The following CRB3 variants were observed in gnomAD, a reference collection of about 807,000 sequenced individuals.
CRB3 encodes the protein crumbs cell polarity complex component 3, also known as protein crumbs homolog 3.
A neutral mutation model predicts 10.4 loss-of-function variants in CRB3; 4 were observed. The observed-to-expected ratio is 0.39, with a 90% CI of 0.19 to 0.88. The LOEUF is 0.88. Ranked by LOEUF, CRB3 falls within the 40% of genes least tolerant of loss-of-function variation. The pLI is 0.39. For synonymous variants in CRB3, 74 were observed against 73.4 expected, an observed-to-expected ratio of 1.01 and a Z score of -0.04; for missense variants, 154 against 160.2, an observed-to-expected ratio of 0.96 and a Z score of 0.21.
At position 6,466,600 on chromosome 19, in the gene CRB3, CGAG is replaced by C. The variant is rs2092795762; in HGVS notation, c.295_297del (p.Glu99del). The C allele has an allele frequency of 6.2e-7, 1 of 1,607,506 alleles. No homozygotes were observed. Among genetic ancestry groups the C allele is most frequent in the South Asian group, 1.1e-5 (1 of 91,070 alleles). On this transcript the variant is annotated inframe_deletion, in exon 4 of 4. Transcript: ENST00000600229. This position sits in a 1 kb window ranked among gnomAD's most constrained non-coding sequence, Gnocchi z 4.9. ...CGGAGGGCACCTACCGGCCCAGTAG[CGAG>C]GAGCAGGTGGGTGCCCGCGTGCCAC...
chr19:6,464,666 C>T lies in CRB3; in HGVS notation c.-36C>T. ...CGGTAGGAGGGGCGAGCGCGAGAAG[C>T]CCCTTCCTCGGCGCTGCCAACCCGC... On this transcript the variant is annotated 5_prime_UTR_variant, in exon 2 of 4. Coordinates refer to ENST00000600229, the MANE Select transcript of CRB3 (RefSeq NM_139161.5). This position sits in a 1 kb window ranked among gnomAD's most constrained non-coding sequence, Gnocchi z 5.3. 1 of 1,202,598 alleles carries T rather than the reference C, an allele frequency of 8.3e-7. No homozygotes were observed. The highest frequency in any genetic ancestry group is 1.0e-6 in the Non-Finnish European group (1 of 960,964). 74.5% of individuals were successfully genotyped at this position (1,202,598 alleles called of 1,614,324 possible).
chr19:6,466,902 TTTCTC>T lies in CRB3; in HGVS notation c.*232_*236del, dbSNP rs1457895886. ...CACCCCCCTGCTTGCGGAACCAACT[TTTCTC>T]TGTGTGTCCAGCAGGCCCCACAACC... On this transcript the variant is annotated 3_prime_UTR_variant, in exon 4 of 4. Transcript: ENST00000600229. This position sits in a 1 kb window ranked among gnomAD's most constrained non-coding sequence, Gnocchi z 4.9. 1 of 1,597,918 alleles carries T rather than the reference TTTCTC, an allele frequency of 6.3e-7. No homozygotes were observed. Among genetic ancestry groups the T allele is most frequent in the Middle Eastern group, 1.7e-4 (1 of 5,954 alleles).
chr19:6,467,195 T>C lies in CRB3; in HGVS notation c.*523T>C. 1 of 541,706 alleles carries C rather than the reference T, an allele frequency of 1.8e-6. No homozygotes were observed. The highest frequency in any genetic ancestry group is 3.6e-5 in the Admixed American group (1 of 27,944). 33.6% of individuals were successfully genotyped at this position (541,706 alleles called of 1,614,324 possible). A position where few individuals can be genotyped will look rare whatever the true frequency, so the allele number is the denominator to read the frequency against. On this transcript the variant is annotated 3_prime_UTR_variant, in exon 4 of 4. Transcript: ENST00000600229. ...GGCTATTCACTTTTATATATTTATA[T>C]AAAATTAGTAGTGAGATGTAACAAA... is the stretch of plus-strand genomic sequence containing the variant.
At position 6,466,928 on chromosome 19, in the gene CRB3, CA is replaced by C; in HGVS notation, c.*258del. ...TTCTCTGTGTGTCCAGCAGGCCCCA[CA>C]ACCCCCTCTCCTTTCTTTCAGTTCT... On this transcript the variant is annotated 3_prime_UTR_variant, in exon 4 of 4. Transcript: ENST00000600229. This position sits in a 1 kb window ranked among gnomAD's most constrained non-coding sequence, Gnocchi z 4.9. 1 of 1,610,870 alleles carries C rather than the reference CA, an allele frequency of 6.2e-7. No individual in the cohort carries two copies. The highest frequency in any genetic ancestry group is 8.5e-7 in the Non-Finnish European group (1 of 1,178,458).
rs769620076 is a variant in CRB3 at position 6,464,723 on chromosome 19, C to G, written c.22C>G (p.Leu8Val). The change falls in exon 2 of 4, where the codon CTG (leucine) becomes GTG (valine). Residue 8 changes from leucine to valine, a missense_variant. Coordinates refer to ENST00000600229, the MANE Select transcript of CRB3 (RefSeq NM_139161.5). The surrounding 1 kb of genome is among the most constrained non-coding windows in gnomAD (Gnocchi z 5.3). MANPGLG[L>V]LLALGLPFLL... Reference sequence around the variant, plus strand: ...GCCCATGGCGAACCCCGGGCTGGGGCTGCTTCTGGCGCTGGGCCTGCCGTT... The same window carrying G: ...GCCCATGGCGAACCCCGGGCTGGGGGTGCTTCTGGCGCTGGGCCTGCCGTT... 9 of 1,246,714 alleles carry G rather than the reference C, an allele frequency of 7.2e-6. No individual in the cohort carries two copies. In the South Asian group the frequency reaches 2.7e-4, roughly 38 times the overall value. 77.2% of individuals were successfully genotyped at this position (1,246,714 alleles called of 1,614,324 possible).
rs2092788884 is a variant in CRB3, at chr19:6,465,294, G to A, written c.83-251G>A. The A allele has an allele frequency of 6.6e-5, 35 of 529,922 alleles. 1 individual carries two copies. The South Asian group carries it at 8.4e-4, about 13-fold the overall frequency. The allele number at this position is 529,922 out of a possible 1,614,324, so 32.8% of individuals were successfully genotyped here. The stretch of plus-strand genomic sequence containing the variant: ...GGGCCCAGGGCCGAGAGGTGAGTAG[G>A]GGAGGGGTGGACTTCTGGACACCCT... On this transcript the variant is annotated intron_variant, in intron 2 of 3. Coordinates refer to ENST00000600229, the MANE Select transcript of CRB3 (RefSeq NM_139161.5).
chr19:6,465,130 G>A, intron 2 of CRB3: 1 of 291,546 alleles, frequency 3.4e-6, no homozygotes, highest in South Asian at 1.1e-4. Flanking sequence ...GGAGCTGGGA[G>A]GAGGCCTGCC....
Position 6,467,013 on chromosome 19 carries a change from G to A in CRB3, c.*341G>A. Reference sequence around the variant, plus strand: ...CCAAGGAGACGGTGCAGGGCTGCCTGCCCATCTAGGTCCCCTCTCCTGCAT... The same window carrying A: ...CCAAGGAGACGGTGCAGGGCTGCCTACCCATCTAGGTCCCCTCTCCTGCAT... On this transcript the variant is annotated 3_prime_UTR_variant, in exon 4 of 4. Coordinates refer to ENST00000600229, the MANE Select transcript of CRB3 (RefSeq NM_139161.5). 6.2e-7 allele frequency: 1 copy of A among 1,613,772 alleles called. No homozygotes were observed. Among genetic ancestry groups the A allele is most frequent in the Non-Finnish European group, 8.5e-7 (1 of 1,179,784 alleles).
chr19:6,464,292 G>A lies in CRB3; in HGVS notation c.-153G>A, dbSNP rs569671916. On this transcript the variant is annotated 5_prime_UTR_variant, in exon 1 of 4. Transcript: ENST00000600229. The surrounding 1 kb of genome is among the most constrained non-coding windows in gnomAD (Gnocchi z 5.3). ...ACCCACAGAACGACCGACGGACCGAGGGTTCGAGGGAGGGACACGGACCAG... is the reference window on the plus strand; with the variant it reads ...ACCCACAGAACGACCGACGGACCGAAGGTTCGAGGGAGGGACACGGACCAG... 134 of 164,334 alleles carry A rather than the reference G, an allele frequency of 8.2e-4. No homozygotes were observed. Among genetic ancestry groups the A allele is most frequent in the Non-Finnish European group, 9.4e-4 (72 of 76,380 alleles). The allele number at this position is 164,334 out of a possible 1,614,324, so 10.2% of individuals were successfully genotyped here. A position where few individuals can be genotyped will look rare whatever the true frequency, so the allele number is the denominator to read the frequency against.
Position 6,464,943 on chromosome 19 carries a change from C to T in CRB3, c.82+160C>T, listed in dbSNP as rs1599369547. 1.5e-5 allele frequency: 6 copies of T among 407,312 alleles called. No individual in the cohort carries two copies. Among genetic ancestry groups the T allele is most frequent in the Non-Finnish European group, 2.5e-5 (6 of 235,298 alleles). The allele number at this position is 407,312 out of a possible 1,614,324, so 25.2% of individuals were successfully genotyped here. A position where few individuals can be genotyped will look rare whatever the true frequency, so the allele number is the denominator to read the frequency against. ...GGGAGGGGTCTACAGGGTTAGGGCT[C>T]GGGGGGATTAAGATTTCTAGTTTCT... On this transcript the variant is annotated intron_variant, in intron 2 of 3. Transcript: ENST00000600229. The surrounding 1 kb of genome is among the most constrained non-coding windows in gnomAD (Gnocchi z 5.3).
upstream of CRB3, chr19:6,463,803 G>A (rs1158560852): frequency 6.6e-6 from 1 of 151,816 alleles, no homozygotes; most frequent in Admixed American, 6.6e-5. Flanking sequence ...TTTTTGTAGA[G>A]AATGAGGCCT....
At position 6,466,252 on chromosome 19, in the gene CRB3, C is replaced by T. The variant is rs1467106208; in HGVS notation, c.157-214C>T. 4.6e-5 allele frequency among the ~76,000 whole-genome samples: 7 copies of T among 152,040 alleles called. No homozygotes were observed. The highest frequency in any genetic ancestry group is 1.4e-4 in the African/African-American group (6 of 41,492). ...TGGCAGGTGCTTGCGAGGGGTGTCCCGGACATGGCAGGTGGTGGGGAGCCT... is the reference window on the plus strand; with the variant it reads ...TGGCAGGTGCTTGCGAGGGGTGTCCTGGACATGGCAGGTGGTGGGGAGCCT... On this transcript the variant is annotated intron_variant, in intron 3 of 3. Coordinates refer to ENST00000600229, the MANE Select transcript of CRB3 (RefSeq NM_139161.5). This position sits in a 1 kb window ranked among gnomAD's most constrained non-coding sequence, Gnocchi z 4.9.
Position 6,465,926 on chromosome 19 carries a change from C to T in CRB3, c.156+308C>T, listed in dbSNP as rs971780634. ...GATGAAAGCAGGAGTCCCGGCCGGG[C>T]GCGGTGGCTCACGCCTGTAATCCTA... is the stretch of plus-strand genomic sequence containing the variant. On this transcript the variant is annotated intron_variant, in intron 3 of 3. Coordinates refer to ENST00000600229, the MANE Select transcript of CRB3 (RefSeq NM_139161.5). Among the ~76,000 whole-genome samples the T allele has an allele frequency of 3.9e-5, 6 of 152,030 alleles. 1 individual carries two copies. The highest frequency in any genetic ancestry group is 2.6e-4 in the Admixed American group (4 of 15,250).
At position 6,465,636 on chromosome 19, in the gene CRB3, G is replaced by C. The variant is rs191435986; in HGVS notation, c.156+18G>C. 1.4e-5 allele frequency: 23 copies of C among 1,600,520 alleles called. No individual in the cohort carries two copies. The Admixed American group carries it at 1.5e-4, about 10-fold the overall frequency. ...GCAACCTGGTGAGTTGGAGGTATAT[G>C]TGGGAAGATGGCAGCAAGGATGTTA... is the stretch of plus-strand genomic sequence containing the variant. On this transcript the variant is annotated intron_variant, in intron 3 of 3. Coordinates refer to ENST00000600229, the MANE Select transcript of CRB3 (RefSeq NM_139161.5).
chr19:6,466,998 G>A lies in CRB3; in HGVS notation c.*326G>A, dbSNP rs201161223. 1.3e-4 allele frequency: 205 copies of A among 1,613,800 alleles called. No homozygotes were observed. Among genetic ancestry groups the A allele is most frequent in the Admixed American group, 2.0e-4 (12 of 59,962 alleles). On this transcript the variant is annotated 3_prime_UTR_variant, in exon 4 of 4. Transcript: ENST00000600229. This position sits in a 1 kb window ranked among gnomAD's most constrained non-coding sequence, Gnocchi z 4.9. ...GGGCCCCTCAGGACTCCAAGGAGAC[G>A]GTGCAGGGCTGCCTGCCCATCTAGG...
In CRB3 at chr19:6,464,586, C is replaced by A; in HGVS notation, c.-94-22C>A. ...CCCCACCCCGATCCCAACGCCTGGGCCTCTCCTTCTCCTGTCCCCAGGTGC... is the reference window on the plus strand; with the variant it reads ...CCCCACCCCGATCCCAACGCCTGGGACTCTCCTTCTCCTGTCCCCAGGTGC... On this transcript the variant is annotated intron_variant, in intron 1 of 3. Transcript: ENST00000600229. The surrounding 1 kb of genome is among the most constrained non-coding windows in gnomAD (Gnocchi z 5.3). 1 of 576,288 alleles carries A rather than the reference C, an allele frequency of 1.7e-6. No individual in the cohort carries two copies. Among genetic ancestry groups the A allele is most frequent in the East Asian group, 3.5e-5 (1 of 28,784 alleles). The allele number at this position is 576,288 out of a possible 1,614,324, so 35.7% of individuals were successfully genotyped here.
intron 3 of CRB3, 67 bp downstream of exon 3, chr19:6,465,685 G>A: frequency 3.0e-6 from 4 of 1,352,942 alleles, no homozygotes; most frequent in Non-Finnish European, 4.2e-6. Flanking sequence ...CATATAGCAT[G>A]TAGAGAGGAC....
chr19:6,465,545 T>C lies in CRB3; in HGVS notation c.83T>C (p.Ile28Thr). The C allele has an allele frequency of 6.2e-7, 1 of 1,613,718 alleles. No homozygotes were observed. The highest frequency in any genetic ancestry group is 8.5e-7 in the Non-Finnish European group (1 of 1,179,620). Residue 28 changes from isoleucine to threonine, a missense_variant and splice_region_variant, in exon 3 of 4, where the codon ATA (isoleucine) becomes ACA (threonine). By Grantham distance (89) the Ile-to-Thr change is moderately conservative. Coordinates refer to ENST00000600229, the MANE Select transcript of CRB3 (RefSeq NM_139161.5). ...LARWGRAWGQ[I>T]QTTSANENST... ...TATTCTCTGCCTTCACCCTCCACAG[T>C]ACAGACCACTTCTGCAAATGAGAAT...
At chr19:6,465,335 A>G in intron 2 of CRB3, 1 of 617,872 alleles carries the variant, frequency 1.6e-6, no homozygotes, top group South Asian at 1.8e-5. Flanking sequence ...GCTCTGCGGG[A>G]CTGGGTCGGG....
Sources: gnomAD v4.1 joint callset for allele counts (sites outside exome capture counted in the v4.1 genomes callset) on GRCh38, gnomAD v4.1.1 for gene constraint, Gnocchi (gnomAD v3.1) non-coding constraint, MANE v1.5 for transcripts, NCBI Gene and HGNC (gene_info 2026-07-23, HGNC 2026-07-21) for gene names.